LRRC37A2: variants seen among roughly 807,000 people sequenced by gnomAD.
LRRC37A2 encodes leucine-rich repeat-containing protein 37A2.
Under a neutral mutation model 68.8 loss-of-function variants are expected in LRRC37A2, and 9 were observed. The observed-to-expected ratio is 0.13, with a 90% confidence interval of 0.08 to 0.23. The LOEUF is 0.23. Ranked by LOEUF, LRRC37A2 falls within the 10% of genes least tolerant of loss-of-function variation. The pLI is 1.00. For synonymous variants in LRRC37A2, 63 were observed against 367.6 expected (o/e 0.17, Z 9.48); for missense variants, 168 against 950.4 (o/e 0.18, Z 10.82).
At chr17:46,744,133 T>C in the LRRC37A2 span, among the ~76,000 whole-genome samples, 2 of 152,196 alleles carry the variant, frequency 1.3e-5, no homozygotes, top group Non-Finnish European at 2.9e-5. Context: ...TTTGCGAGTG[T>C]GTTACTTGGT....
At chr17:46,871,381 G>C in the LRRC37A2 span, among the ~76,000 whole-genome samples, 2 of 152,196 alleles carry the variant, frequency 1.3e-5, no homozygotes, top group African/African-American at 4.8e-5. Context: ...TGGGAAGAGG[G>C]AAGACGAACT....
the LRRC37A2 span, among the ~76,000 whole-genome samples, chr17:46,984,601 C>T: frequency 6.6e-6 from 1 of 152,234 alleles, no homozygotes; most frequent in African/African-American, 2.4e-5. Context: ...CCTGCTGTCT[C>T]TGCAGCTGTT....
the LRRC37A2 span, among the ~76,000 whole-genome samples, chr17:46,905,479 A>G: frequency 6.6e-6 from 1 of 152,156 alleles, no homozygotes; most frequent in Non-Finnish European, 1.5e-5. Context: ...CAGCAAGAAG[A>G]CTTTGTTTCA....
the LRRC37A2 span, among the ~76,000 whole-genome samples, chr17:46,962,093 C>T: frequency 1.3e-5 from 2 of 152,094 alleles, no homozygotes; most frequent in African/African-American, 2.4e-5. Flanking sequence ...GCATTTTGGC[C>T]GAGGCGGGCA....
At chr17:46,458,760 C>T in the LRRC37A2 span, among the ~76,000 whole-genome samples, 1 of 108,910 alleles carries the variant, frequency 9.2e-6, no homozygotes, top group East Asian at 2.4e-4. Flanking sequence ...AGGCTGGTCT[C>T]GAGCTCCCAA....
At chr17:46,714,051 T>C in the LRRC37A2 span, 1 of 1,485,342 alleles carries the variant, frequency 6.7e-7, no homozygotes, top group South Asian at 1.3e-5. Flanking sequence ...TGCACATATA[T>C]ATGCCTTTGT....
chr17:46,595,735 C>T, the LRRC37A2 span, among the ~76,000 whole-genome samples: 3 of 118,894 alleles, frequency 2.5e-5, no homozygotes, highest in Admixed American at 9.1e-5. Flanking sequence ...GGTGATCCAC[C>T]CGCCTTGGCC....
chr17:46,908,790 C>T, the LRRC37A2 span, among the ~76,000 whole-genome samples: 1 of 152,186 alleles, frequency 6.6e-6, no homozygotes, highest in Non-Finnish European at 1.5e-5. Flanking sequence ...TCCCATTCAC[C>T]TCCAACAGAA....
chr17:46,558,335 C>T (rs1200817753), downstream of LRRC37A2, among the ~76,000 whole-genome samples: 1 of 110,470 alleles, frequency 9.1e-6, no homozygotes, highest in Non-Finnish European at 1.8e-5. Flanking sequence ...GCTGAGATTA[C>T]AGGTGCGAGC....
the LRRC37A2 span, among the ~76,000 whole-genome samples, chr17:46,891,278 C>A: frequency 6.6e-6 from 1 of 152,174 alleles, no homozygotes; most frequent in Non-Finnish European, 1.5e-5. Context: ...TCTTTTTGAG[C>A]CTCGCCATAG....
chr17:47,043,452 T>C, the LRRC37A2 span, among the ~76,000 whole-genome samples: 3 of 150,514 alleles, frequency 2.0e-5, no homozygotes, highest in Non-Finnish European at 4.5e-5. Flanking sequence ...TGAGCCAAGA[T>C]TGCGCCACTG....
At chr17:46,793,072 C>T in the LRRC37A2 span, among the ~76,000 whole-genome samples, 2 of 149,366 alleles carry the variant, frequency 1.3e-5, no homozygotes, top group Admixed American at 1.4e-4. Context: ...CAAGACTAGC[C>T]TAGCCGAGAA....
chr17:46,418,234 T>TGTGTGC, the LRRC37A2 span, among the ~76,000 whole-genome samples: 40 of 66,840 alleles, frequency 6.0e-4, no homozygotes, highest in Non-Finnish European at 9.6e-4. Flanking sequence ...TGTGTGTGTG[T>TGTGTGC]GCGCGCGCGC....
At chr17:46,858,372 C>G in the LRRC37A2 span, among the ~76,000 whole-genome samples, 1 of 152,204 alleles carries the variant, frequency 6.6e-6, no homozygotes, top group African/African-American at 2.4e-5. Context: ...AGTGTATCAA[C>G]CTTTTCTTGT....
the LRRC37A2 span, among the ~76,000 whole-genome samples, chr17:46,856,012 C>T: frequency 9.2e-4 from 140 of 152,238 alleles, no homozygotes; most frequent in Non-Finnish European, 1.7e-3. Context: ...GTAAGTTATC[C>T]GAGTGGCTTT....
the LRRC37A2 span, among the ~76,000 whole-genome samples, chr17:46,725,524 G>A: frequency 1.3e-5 from 2 of 152,096 alleles, no homozygotes; most frequent in African/African-American, 2.4e-5. Context: ...CTCTATTATG[G>A]TAACTTAATT....
At chr17:46,754,173 A>G in the LRRC37A2 span, among the ~76,000 whole-genome samples, 1 of 148,342 alleles carries the variant, frequency 6.7e-6, no homozygotes, top group East Asian at 1.9e-4. Context: ...TTTTTTAAGA[A>G]CTTGACAATT....
At chr17:46,678,533 G>A in the LRRC37A2 span, among the ~76,000 whole-genome samples, 8 of 150,708 alleles carry the variant, frequency 5.3e-5, no homozygotes, top group South Asian at 2.1e-4. Context: ...GGTCTGGTGC[G>A]TGTATTTAAA....
the LRRC37A2 span, chr17:47,024,705 G>T: frequency 1.2e-6 from 1 of 864,706 alleles, no homozygotes; most frequent in South Asian, 1.3e-5. Flanking sequence ...TAACTTGACT[G>T]AATTACACAA....
Sources: gnomAD v4.1 joint callset for allele counts (sites outside exome capture counted in the v4.1 genomes callset) on GRCh38, gnomAD v4.1.1 for gene constraint, MANE v1.5 for transcripts, NCBI Gene and HGNC (gene_info 2026-07-23, HGNC 2026-07-21) for gene names.